Variants in CAPN3 observed in about 807,000 individuals in gnomAD.
CAPN3 encodes the protein calpain-3.
A neutral mutation model predicts 114.0 loss-of-function variants in CAPN3; 88 were observed. That is an observed-to-expected ratio of 0.77 (90% confidence interval 0.65 to 0.92). The LOEUF is 0.92. CAPN3 is among the 40% of genes least tolerant of loss of function. The probability of loss-of-function intolerance (pLI) is 0.00; values close to 1 mark genes in which losing one functional copy is unlikely to be tolerated. For synonymous variants in CAPN3, 386 were observed against 382.9 expected, an observed-to-expected ratio of 1.01 and a Z score of -0.09; for missense variants, 1,028 against 1,069.0, an observed-to-expected ratio of 0.96 and a Z score of 0.53.
rs577683832 is a variant in CAPN3 at position 42,412,019 on chromosome 15, A to T, written c.*246A>T. The T allele has an allele frequency of 2.6e-5, 39 of 1,509,204 alleles. No homozygotes were observed. In the African/African-American group the frequency reaches 3.0e-4, roughly 12 times the overall value. The allele number at this position is 1,509,204 out of a possible 1,614,324, so 93.5% of individuals were successfully genotyped here. On this transcript the variant is annotated 3_prime_UTR_variant, in exon 24 of 24. Transcript: ENST00000397163. Reference sequence around the variant, plus strand: ...CCCTTGTCCCTTTGCCATGTGGAGGAAAGTGCCTGCCTCTGGTCCGAGCCG... The same window carrying T: ...CCCTTGTCCCTTTGCCATGTGGAGGTAAGTGCCTGCCTCTGGTCCGAGCCG...
chr15:42,359,578 A>G lies in CAPN3; in HGVS notation c.-228A>G, dbSNP rs1444835257. 3.6e-6 allele frequency: 5 copies of G among 1,402,698 alleles called. No individual in the cohort carries two copies. Among genetic ancestry groups the G allele is most frequent in the African/African-American group, 1.4e-5 (1 of 69,258 alleles). 86.9% of individuals were successfully genotyped at this position (1,402,698 alleles called of 1,614,324 possible). On this transcript the variant is annotated 5_prime_UTR_variant, in exon 1 of 24. The change abolishes the stop of an existing upstream ORF in the 5' untranslated region. Transcript: ENST00000397163. ...GTCAACATTGCTTCAGAAATCCTTT[A>G]GCACTCATTTCTCAGGAGAACTTAT...
At chr15:42,368,262 A>G (rs756473306) in intron 1 of CAPN3, among the ~76,000 whole-genome samples, 1 of 152,224 alleles carries the variant, frequency 6.6e-6, no homozygotes, top group Non-Finnish European at 1.5e-5. Context: ...TTCTTGTTTC[A>G]GCTTTGATAC....
intron 1 of CAPN3, among the ~76,000 whole-genome samples, chr15:42,363,611 A>T (rs2052704791): frequency 6.6e-6 from 1 of 152,138 alleles, no homozygotes; most frequent in Admixed American, 6.6e-5. Flanking sequence ...CCTTGCAGTA[A>T]GTTTTCTGGA....
In CAPN3 at chr15:42,410,095, C is replaced by T. The variant is rs2054162781; in HGVS notation, c.2115+100C>T. 3.7e-6 allele frequency: 4 copies of T among 1,082,838 alleles called. No homozygotes were observed. The South Asian group carries it at 3.7e-5, about 10-fold the overall frequency. 67.1% of individuals were successfully genotyped at this position (1,082,838 alleles called of 1,614,324 possible). A position where few individuals can be genotyped will look rare whatever the true frequency, so the allele number is the denominator to read the frequency against. On this transcript the variant is annotated intron_variant, in intron 19 of 23. Transcript: ENST00000397163. ...GTCAGGCAAAGGGCCCTAATTTGTGCCCAGGGAAACTTAAGGAGACCCTGA... is the reference window on the plus strand; with the variant it reads ...GTCAGGCAAAGGGCCCTAATTTGTGTCCAGGGAAACTTAAGGAGACCCTGA...
In CAPN3 at chr15:42,405,950, G is replaced by T. The variant is rs770160730; in HGVS notation, c.1800+7G>T. 6.2e-7 allele frequency: 1 copy of T among 1,611,348 alleles called. No homozygotes were observed. Among genetic ancestry groups the T allele is most frequent in the Non-Finnish European group, 8.5e-7 (1 of 1,177,452 alleles). On this transcript the variant is annotated splice_region_variant and intron_variant, in intron 15 of 23. Transcript: ENST00000397163. The stretch of plus-strand genomic sequence containing the variant: ...GAAAAAGAAAAAAACCAAGGTAGGT[G>T]TGTGGGTAGAGAGCATGAAGTGTGT...
chr15:42,409,152 C>T, intron 16 of CAPN3, 151 bp from the exon 17 acceptor site: 1 of 706,562 alleles, frequency 1.4e-6, no homozygotes. Flanking sequence ...CATCTCACTC[C>T]AGCTCACCAG....
chr15:42,388,520 T>C (rs896671352), intron 4 of CAPN3, among the ~76,000 whole-genome samples: 20 of 152,136 alleles, frequency 1.3e-4, no homozygotes, highest in African/African-American at 4.8e-4. Context: ...TTGCCCAGAC[T>C]GGTCTCGAAC....
chr15:42,367,732 G>A (rs1406504445), intron 1 of CAPN3, among the ~76,000 whole-genome samples: 1 of 152,118 alleles, frequency 6.6e-6, no homozygotes, highest in Non-Finnish European at 1.5e-5. Flanking sequence ...ATGTTTCCAG[G>A]TGCAAATGTA....
intron 1 of CAPN3, among the ~76,000 whole-genome samples, chr15:42,363,247 G>T (rs772338169): frequency 1.3e-5 from 2 of 152,140 alleles, no homozygotes; most frequent in African/African-American, 2.4e-5. Context: ...GGTTCCTCTA[G>T]ACTTTCCTTA....
chr15:42,405,775 C>A (rs2054002108), intron 14 of CAPN3, 151 bp from the exon 15 acceptor site: 1 of 650,438 alleles, frequency 1.5e-6, no homozygotes, highest in Non-Finnish European at 2.8e-6. Flanking sequence ...ACCCTCCATG[C>A]CCCTTTTTGG....
intron 8 of CAPN3, among the ~76,000 whole-genome samples, chr15:42,395,688 AC>A (rs1303626644): frequency 2.0e-5 from 3 of 152,182 alleles, no homozygotes; most frequent in Non-Finnish European, 2.9e-5. Flanking sequence ...TGCCCTGCTT[AC>A]CATGATGCTG....
At chr15:42,407,013 T>C (rs952934192) in intron 15 of CAPN3, among the ~76,000 whole-genome samples, 1 of 152,126 alleles carries the variant, frequency 6.6e-6, no homozygotes, top group African/African-American at 2.4e-5. Context: ...GGGCTGCTTT[T>C]CTGCTCCGAG....
Position 42,384,529 on chromosome 15 carries a change from C to G in CAPN3, c.356C>G (p.Thr119Ser). 1.2e-6 allele frequency: 2 copies of G among 1,613,840 alleles called. No individual in the cohort carries two copies. Among genetic ancestry groups the G allele is most frequent in the Non-Finnish European group, 1.7e-6 (2 of 1,179,708 alleles). Residue 119 changes from threonine (T) to serine (S), a missense_variant, in exon 2 of 24, where the codon ACT becomes AGT. By Grantham distance (58) the Thr-to-Ser change is moderately conservative (BLOSUM62 1). Coordinates refer to ENST00000397163, the MANE Select transcript of CAPN3 (RefSeq NM_000070.3). Reference protein sequence around the residue: ...PRFIIDGANRTDICQGELGDC... With the variant: ...PRFIIDGANRSDICQGELGDC... ...TTTATCATTGATGGAGCCAACAGAACTGACATCTGTCAAGGAGAGCTAGGT... is the reference window on the plus strand; with the variant it reads ...TTTATCATTGATGGAGCCAACAGAAGTGACATCTGTCAAGGAGAGCTAGGT...
In CAPN3 at chr15:42,409,911, A is replaced by G; in HGVS notation, c.2051-20A>G. On this transcript the variant is annotated intron_variant, in intron 18 of 23. Coordinates refer to ENST00000397163, the MANE Select transcript of CAPN3 (RefSeq NM_000070.3). ...TCCCGTTGTCTCAAAGCAGCTCCTC[A>G]CTCTTCTCCATCCCCCCAGACAAGG... 1.2e-6 allele frequency: 2 copies of G among 1,612,170 alleles called. No individual in the cohort carries two copies. The highest frequency in any genetic ancestry group is 2.2e-5 in the East Asian group (1 of 44,838).
intron 8 of CAPN3, among the ~76,000 whole-genome samples, chr15:42,395,698 T>A (rs1442823441): frequency 6.6e-6 from 1 of 152,184 alleles, no homozygotes; most frequent in Non-Finnish European, 1.5e-5. Flanking sequence ...ACCATGATGC[T>A]GCCATCACAG....
intron 5 of CAPN3, among the ~76,000 whole-genome samples, chr15:42,389,486 C>T (rs868630989): frequency 5.3e-5 from 8 of 152,192 alleles, no homozygotes; most frequent in South Asian, 2.1e-4. Flanking sequence ...CACACCTCCC[C>T]GCTTGAGACG....
At chr15:42,400,799 C>T (rs928362250) in intron 10 of CAPN3, among the ~76,000 whole-genome samples, 8 of 151,962 alleles carry the variant, frequency 5.3e-5, no homozygotes, top group African/African-American at 1.9e-4. Flanking sequence ...GTTTGAGGTT[C>T]CTGTAGAGTG....
rs7168121 is a variant in CAPN3, at chr15:42,395,356, A to C, written c.1115+1015A>C. Among the ~76,000 whole-genome samples, 99 of 151,990 alleles carry C rather than the reference A, an allele frequency of 6.5e-4. 2 individuals carry two copies. In the South Asian group the frequency reaches 0.02, roughly 31 times the overall value. ...ACTTCTGCCAGGCCCTAGGCTACCC[A>C]CCTGGGGATGTAGAAATGTAGAAAT... On this transcript the variant is annotated intron_variant, in intron 8 of 23. Transcript: ENST00000397163.
chr15:42,399,557 C>G lies in CAPN3; in HGVS notation c.1259C>G (p.Ala420Gly), dbSNP rs768036465. 12 of 1,613,602 alleles carry G rather than the reference C, an allele frequency of 7.4e-6. No individual in the cohort carries two copies. The highest frequency in any genetic ancestry group is 9.3e-6 in the Non-Finnish European group (11 of 1,179,662). The change falls in exon 10 of 24, where the codon GCT becomes GGT. Residue 420 changes from alanine to glycine, a missense_variant. Physicochemically the swap from Ala to Gly is moderately conservative, Grantham distance 60. Coordinates refer to ENST00000397163, the MANE Select transcript of CAPN3 (RefSeq NM_000070.3). The part of the protein sequence containing the change: ...KLEICNLTAD[A>G]LQSDKLQTWT... Reference sequence around the variant, plus strand: ...GAGATCTGCAACCTCACGGCCGATGCTCTGCAGTCTGACAAGCTTCAGACC... The same window carrying G: ...GAGATCTGCAACCTCACGGCCGATGGTCTGCAGTCTGACAAGCTTCAGACC...
Sources: gnomAD v4.1 joint callset for allele counts (sites outside exome capture counted in the v4.1 genomes callset) on GRCh38, gnomAD v4.1.1 for gene constraint, MANE v1.5 for transcripts, NCBI Gene and HGNC (gene_info 2026-07-23, HGNC 2026-07-21) for gene names.